The following GLRA1 variants were observed in gnomAD, a reference collection of about 807,000 sequenced individuals.
The protein encoded by GLRA1 is glycine receptor alpha 1.
GLRA1 carries 37 observed loss-of-function variants against 48.3 expected under a neutral mutation model. That is an observed-to-expected ratio of 0.77 (90% CI 0.59 to 1.01). GLRA1 has a LOEUF of 1.01. Among genes scored for constraint, GLRA1 ranks in the 50% least tolerant of loss-of-function variants. The pLI, the probability that GLRA1 is intolerant of heterozygous loss-of-function variation, is 0.00. For missense variants in GLRA1, 427 were observed against 571.0 expected (o/e 0.75, Z 2.57); for synonymous variants, 196 against 210.7 (o/e 0.93, Z 0.60).
At chr5:151,878,371 C>T (rs1753678358) in intron 3 of GLRA1, among the ~76,000 whole-genome samples, 1 of 152,092 alleles carries the variant, frequency 6.6e-6, no homozygotes, top group South Asian at 2.1e-4. Flanking sequence ...GGAAGCAGAG[C>T]ATAAAAATTT....
Position 151,886,717 on chromosome 5 carries a change from T to C in GLRA1, c.252+4A>G. ...ACTAACAGCTTGTGTTTTGACTTAC[T>C]CACCATGGTTGTCTCAGCAATGGAA... On this transcript the variant is annotated splice_donor_region_variant and intron_variant, in intron 3 of 8. Coordinates refer to ENST00000274576, the MANE Select transcript of GLRA1 (RefSeq NM_000171.4). The C allele has an allele frequency of 6.2e-7, 1 of 1,600,304 alleles. No homozygotes were observed. Among genetic ancestry groups the C allele is most frequent in the Non-Finnish European group, 8.6e-7 (1 of 1,167,422 alleles).
intron 1 of GLRA1, among the ~76,000 whole-genome samples, chr5:151,907,456 A>G (rs1754503943): frequency 6.6e-6 from 1 of 152,202 alleles, no homozygotes; most frequent in Admixed American, 6.5e-5. Flanking sequence ...GGACTTTAAA[A>G]CAGGGGCAGT....
At chr5:151,830,929 C>T (rs1014303985) in intron 7 of GLRA1, among the ~76,000 whole-genome samples, 24 of 152,332 alleles carry the variant, frequency 1.6e-4, no homozygotes, top group Admixed American at 7.8e-4. Flanking sequence ...GTGATTTCTG[C>T]ATTTCTAACT....
chr5:151,888,226 T>C (rs1753963906), intron 2 of GLRA1, among the ~76,000 whole-genome samples: 1 of 152,336 alleles, frequency 6.6e-6, no homozygotes, highest in East Asian at 1.9e-4. Context: ...CTTGAAAAAG[T>C]AGCCCAAGCA....
intron 6 of GLRA1, among the ~76,000 whole-genome samples, chr5:151,853,722 A>G (rs1446755767): frequency 1.3e-5 from 2 of 152,124 alleles, no homozygotes; most frequent in Non-Finnish European, 2.9e-5. Flanking sequence ...AGTCAAATCT[A>G]TCTATTGTTT....
intron 7 of GLRA1, among the ~76,000 whole-genome samples, chr5:151,841,838 T>C (rs7735811): frequency 0.45 from 67,813 of 151,842 alleles, 15,566 homozygotes; most frequent in African/African-American, 0.56. Flanking sequence ...GGGTGGATCA[T>C]CTGAGGTCAG....
chr5:151,882,074 A>G (rs1484075492), intron 3 of GLRA1, among the ~76,000 whole-genome samples: 1 of 152,166 alleles, frequency 6.6e-6, no homozygotes, highest in Non-Finnish European at 1.5e-5. Flanking sequence ...TCCATGGGCA[A>G]GTGCAATCCT....
chr5:151,864,086 A>T (rs1753272227), intron 3 of GLRA1, among the ~76,000 whole-genome samples: 1 of 151,856 alleles, frequency 6.6e-6, no homozygotes, highest in African/African-American at 2.4e-5. Context: ...TGATCAGGGG[A>T]TTGGAAATAG....
At chr5:151,850,516 C>T in intron 7 of GLRA1, 6 of 1,008,090 alleles carry the variant, frequency 6.0e-6, no homozygotes, top group East Asian at 2.4e-5. Context: ...AGCAGTGGCA[C>T]CAGTACCACA....
intron 3 of GLRA1, among the ~76,000 whole-genome samples, chr5:151,879,685 T>C (rs190230891): frequency 2.5e-4 from 38 of 152,306 alleles, no homozygotes; most frequent in Admixed American, 6.5e-4. Context: ...GGCTCATAGA[T>C]GGAAGGGACT....
chr5:151,879,594 G>A (rs540735088), intron 3 of GLRA1, among the ~76,000 whole-genome samples: 64 of 152,168 alleles, frequency 4.2e-4, no homozygotes, highest in Admixed American at 6.5e-4. Flanking sequence ...AAAGTGATCC[G>A]CCCACCTCGG....
intron 7 of GLRA1, among the ~76,000 whole-genome samples, chr5:151,837,657 G>T (rs1167372521): frequency 6.6e-6 from 1 of 152,206 alleles, no homozygotes; most frequent in African/African-American, 2.4e-5. Flanking sequence ...CATGTCCTTT[G>T]TGGGGACATG....
At chr5:151,865,093 T>C (rs76321566) in intron 3 of GLRA1, among the ~76,000 whole-genome samples, 7,164 of 152,158 alleles carry the variant, frequency 0.047, 590 homozygotes, top group African/African-American at 0.16. Flanking sequence ...AGCTAATTGT[T>C]GTTAGTTTTA....
chr5:151,892,665 G>T (rs1754109607), intron 1 of GLRA1, among the ~76,000 whole-genome samples: 1 of 152,204 alleles, frequency 6.6e-6, no homozygotes, highest in Non-Finnish European at 1.5e-5. Flanking sequence ...GATTGATGCT[G>T]AGAAGTCACG....
At chr5:151,828,679 A>G (rs1763338543) in intron 8 of GLRA1, among the ~76,000 whole-genome samples, 1 of 152,202 alleles carries the variant, frequency 6.6e-6, no homozygotes, top group African/African-American at 2.4e-5. Context: ...GCCTTTAGGT[A>G]TAACTTGATA....
chr5:151,916,696 C>G (rs77352901), intron 1 of GLRA1, among the ~76,000 whole-genome samples: 23,195 of 152,194 alleles, frequency 0.15, 1,871 homozygotes, highest in African/African-American at 0.2. Flanking sequence ...CACATACCCT[C>G]TCCTTCTGAC....
chr5:151,854,309 G>T (rs912031379), intron 6 of GLRA1, among the ~76,000 whole-genome samples: 1 of 152,198 alleles, frequency 6.6e-6, no homozygotes, highest in African/African-American at 2.4e-5. Context: ...CAGAGCCTAC[G>T]ATGGTTTCTC....
intron 2 of GLRA1, among the ~76,000 whole-genome samples, chr5:151,888,912 T>A (rs569769235): frequency 6.6e-6 from 1 of 152,332 alleles, no homozygotes; most frequent in African/African-American, 2.4e-5. Context: ...CCTTGTCACT[T>A]CCACCTAAAT....
chr5:151,886,982 C>G (rs1753924754), intron 2 of GLRA1, among the ~76,000 whole-genome samples, 194 bp from the exon 3 acceptor site: 1 of 152,170 alleles, frequency 6.6e-6, no homozygotes, highest in African/African-American at 2.4e-5. Context: ...ACTTCCTGGT[C>G]CCCAAGTGAG....
Sources: allele counts gnomAD v4.1 joint callset (sites outside exome capture counted in the v4.1 genomes callset), GRCh38; gene constraint gnomAD v4.1.1; transcripts MANE v1.5; gene names NCBI Gene and HGNC (gene_info 2026-07-23, HGNC 2026-07-21).